Variants in EVL observed in about 807,000 individuals in gnomAD.
The protein encoded by EVL is Enah/Vasp-like, also known as ena/VASP-like protein.
EVL carries 21 observed loss-of-function variants against 59.6 expected under a neutral mutation model. The observed-to-expected ratio is 0.35, with a 90% CI of 0.25 to 0.51. The LOEUF (loss-of-function observed/expected upper bound fraction) is 0.51. Among genes scored for constraint, EVL ranks in the 20% least tolerant of loss-of-function variants. The pLI is 0.97. For missense variants in EVL, 462 were observed against 546.6 expected (o/e 0.85, Z 1.54); for synonymous variants, 198 against 203.5 (o/e 0.97, Z 0.23).
At chr14:100,019,343 G>C (rs2061081087) in intron 1 of EVL, 1 of 302,828 alleles carries the variant, frequency 3.3e-6, no homozygotes, top group East Asian at 6.1e-5. Flanking sequence ...CAGGATCCCA[G>C]GCGTGCCCTG....
chr14:100,036,283 G>T (rs551773054), intron 1 of EVL, among the ~76,000 whole-genome samples: 1 of 152,280 alleles, frequency 6.6e-6, no homozygotes, highest in Non-Finnish European at 1.5e-5. Context: ...CTTGAAACTG[G>T]TCCCTACTGC....
intron 1 of EVL, among the ~76,000 whole-genome samples, chr14:100,033,660 T>C (rs1350643330): frequency 6.6e-6 from 1 of 152,242 alleles, no homozygotes; most frequent in African/African-American, 2.4e-5. Flanking sequence ...CTATGATCAG[T>C]GTAACCTGCT....
At chr14:100,105,677 A>G (rs944746776) in intron 3 of EVL, among the ~76,000 whole-genome samples, 2 of 151,782 alleles carry the variant, frequency 1.3e-5, no homozygotes, top group African/African-American at 4.8e-5. Flanking sequence ...CGTCTGTGAA[A>G]TGTAGGTGGT....
intron 1 of EVL, among the ~76,000 whole-genome samples, chr14:100,055,813 C>CTT (rs1566988315): frequency 0.012 from 1,845 of 150,316 alleles, 37 homozygotes; most frequent in African/African-American, 0.043. Flanking sequence ...TTTTCTTTTT[C>CTT]TTTCTCTTTT....
chr14:99,987,514 C>G (rs757203781), intron 1 of EVL, among the ~76,000 whole-genome samples: 2 of 152,110 alleles, frequency 1.3e-5, no homozygotes, highest in Non-Finnish European at 2.9e-5. Flanking sequence ...TGGTGGCACA[C>G]GCCTGTAATC....
At chr14:100,063,076 T>TG (rs2140266210), upstream of EVL, among the ~76,000 whole-genome samples, 1 of 152,318 alleles carries the variant, frequency 6.6e-6, no homozygotes, top group African/African-American at 2.4e-5. Flanking sequence ...TCAGCCTGGG[T>TG]GACAGCAAGA....
intron 8 of EVL, 90 bp from the exon 9 acceptor site, chr14:100,135,815 G>A (rs1338512767): frequency 1.8e-6 from 2 of 1,142,492 alleles, no homozygotes; most frequent in East Asian, 2.4e-5. Context: ...GGGAACATTT[G>A]GAAAACTGAG....
intron 3 of EVL, among the ~76,000 whole-genome samples, chr14:100,111,113 C>A (rs117546156): frequency 6.7e-6 from 1 of 150,092 alleles, no homozygotes; most frequent in Non-Finnish European, 1.5e-5. Context: ...AAACCTTGAG[C>A]AAGCCATTTC....
At chr14:100,043,208 A>G (rs2061492766) in intron 1 of EVL, among the ~76,000 whole-genome samples, 1 of 151,916 alleles carries the variant, frequency 6.6e-6, no homozygotes, top group African/African-American at 2.4e-5. Flanking sequence ...GGGAGTACCA[A>G]TAGGAGATAG....
intron 1 of EVL, among the ~76,000 whole-genome samples, chr14:100,014,422 A>G (rs968901138): frequency 6.6e-6 from 1 of 152,226 alleles, no homozygotes; most frequent in Non-Finnish European, 1.5e-5. Flanking sequence ...ACTTAACATA[A>G]TGACCTCCAG....
intron 1 of EVL, among the ~76,000 whole-genome samples, chr14:100,042,365 G>T (rs146542740): frequency 1.3e-5 from 2 of 152,136 alleles, no homozygotes; most frequent in Non-Finnish European, 2.9e-5. Flanking sequence ...TTAGCAAATG[G>T]GTTTAAAAGT....
At chr14:100,014,872 C>G (rs938629743) in intron 1 of EVL, among the ~76,000 whole-genome samples, 1 of 152,186 alleles carries the variant, frequency 6.6e-6, no homozygotes, top group South Asian at 2.1e-4. Flanking sequence ...GCTCAGCCCC[C>G]TGGCCATTGG....
intron 1 of EVL, among the ~76,000 whole-genome samples, chr14:100,023,814 G>A (rs2061167590): frequency 6.6e-6 from 1 of 152,136 alleles, no homozygotes; most frequent in Admixed American, 6.5e-5. Context: ...TGAACTGAAA[G>A]TTTTAAATAA....
intron 1 of EVL, among the ~76,000 whole-genome samples, chr14:99,981,900 C>G (rs1003304324): frequency 1.3e-5 from 2 of 152,150 alleles, no homozygotes; most frequent in Admixed American, 6.5e-5. Context: ...CCCAATGAAA[C>G]GAGGTCTGTC....
intron 3 of EVL, among the ~76,000 whole-genome samples, chr14:100,112,585 G>A (rs144496646): frequency 6.6e-6 from 1 of 152,128 alleles, no homozygotes; most frequent in African/African-American, 2.4e-5. Context: ...TCCCAGTTAC[G>A]CCATGCCCCA....
At chr14:100,044,968 TAAA>T (rs933825843) in intron 1 of EVL, among the ~76,000 whole-genome samples, 1 of 151,900 alleles carries the variant, frequency 6.6e-6, no homozygotes, top group African/African-American at 2.4e-5. Context: ...TAAAAATAAA[TAAA>T]GAAATAAATA....
chr14:100,142,514 T>C (rs1889244573), intron 13 of EVL, among the ~76,000 whole-genome samples: 1 of 152,112 alleles, frequency 6.6e-6, no homozygotes, highest in Admixed American at 6.5e-5. Context: ...CCAACCAGGG[T>C]GATAAAGGCT....
At chr14:100,070,868 C>T (rs2062034851) in intron 1 of EVL, among the ~76,000 whole-genome samples, 2 of 152,232 alleles carry the variant, frequency 1.3e-5, no homozygotes, top group Admixed American at 1.3e-4. Flanking sequence ...GAGATGAAGA[C>T]ACAGAGCAAA....
chr14:100,070,593 G>A (rs1595128783), intron 1 of EVL, among the ~76,000 whole-genome samples: 2 of 152,222 alleles, frequency 1.3e-5, no homozygotes, highest in East Asian at 3.8e-4. Flanking sequence ...AGCTCTTTCA[G>A]AGCAGGACGC....
Sources: allele counts gnomAD v4.1 joint callset (sites outside exome capture counted in the v4.1 genomes callset), GRCh38; gene constraint gnomAD v4.1.1; transcripts MANE v1.5; gene names NCBI Gene and HGNC (gene_info 2026-07-23, HGNC 2026-07-21).